The following LHFPL2 variants were observed in gnomAD, a reference collection of about 807,000 sequenced individuals.
The protein encoded by LHFPL2 is LHFPL tetraspan subfamily member 2, also known as LHFPL tetraspan subfamily member 2 protein.
LHFPL2 carries 7 observed loss-of-function variants against 17.5 expected under a neutral mutation model. The ratio of observed to expected loss-of-function variants is 0.40; its 90% CI spans 0.23 to 0.75. The LOEUF (loss-of-function observed/expected upper bound fraction) is 0.75, where lower values mean the gene tolerates loss of function less well. Among genes scored for constraint, LHFPL2 ranks in the 30% least tolerant of loss-of-function variants. The pLI, the probability that LHFPL2 is intolerant of heterozygous loss-of-function variation, is 0.37. For missense variants in LHFPL2, 241 were observed against 294.8 expected (o/e 0.82, Z 1.34); for synonymous variants, 134 against 116.2 (o/e 1.15, Z -0.99).
chr5:78,524,610 C>T (rs984734368), intron 3 of LHFPL2, among the ~76,000 whole-genome samples: 8 of 151,930 alleles, frequency 5.3e-5, no homozygotes, highest in African/African-American at 1.2e-4. Context: ...GGTGTGGTGG[C>T]GGGCGCCTGT....
chr5:78,619,154 T>C (rs1297670092), intron 2 of LHFPL2, among the ~76,000 whole-genome samples: 1 of 152,188 alleles, frequency 6.6e-6, no homozygotes, highest in Non-Finnish European at 1.5e-5. Context: ...GTCTCCCAAG[T>C]AGCTGGGACT....
At chr5:78,533,156 G>A (rs1386621646) in intron 3 of LHFPL2, among the ~76,000 whole-genome samples, 2 of 152,146 alleles carry the variant, frequency 1.3e-5, no homozygotes, top group Non-Finnish European at 2.9e-5. Context: ...TTAGGTCCAG[G>A]TCAGTGCCGT....
chr5:78,610,963 A>C (rs1168246616), intron 2 of LHFPL2, among the ~76,000 whole-genome samples: 1 of 152,186 alleles, frequency 6.6e-6, no homozygotes, highest in Non-Finnish European at 1.5e-5. Context: ...GTCCTCCTCA[A>C]GGAGCCACAG....
At chr5:78,562,335 G>A (rs1756749897) in intron 3 of LHFPL2, among the ~76,000 whole-genome samples, 2 of 152,046 alleles carry the variant, frequency 1.3e-5, no homozygotes, top group Admixed American at 1.3e-4. Context: ...CTCTGCCAAG[G>A]ACCACCTGAC....
intron 2 of LHFPL2, among the ~76,000 whole-genome samples, chr5:78,576,089 A>T (rs1431302020): frequency 6.6e-6 from 1 of 152,168 alleles, no homozygotes; most frequent in African/African-American, 2.4e-5. Context: ...AGGTCAGGAT[A>T]TCGAGACCAT....
intron 3 of LHFPL2, among the ~76,000 whole-genome samples, chr5:78,512,397 A>G (rs971900511): frequency 5.3e-5 from 8 of 149,856 alleles, no homozygotes; most frequent in African/African-American, 1.5e-4. Flanking sequence ...TTTATATCCA[A>G]CTGGTGGAGA....
At position 78,489,140 on chromosome 5, in the gene LHFPL2, G is replaced by A. The variant is rs745605571; in HGVS notation, c.444C>T (p.Ile148=). 3.1e-6 allele frequency: 5 copies of A among 1,614,046 alleles called. No individual in the cohort carries two copies. Among genetic ancestry groups the A allele is most frequent in the Non-Finnish European group, 4.2e-6 (5 of 1,180,016 alleles). ...LLQGIAGLFL[I]LGLILYPAGW... The stretch of plus-strand genomic sequence containing the variant: ...CAGCAGGGTAGAGTATCAAACCGAG[G>A]ATAAGGAATAGACCTGCAGAACAAA... The change falls in exon 5 of 5, where the codon ATC becomes ATT. Residue 148 remains isoleucine, a synonymous_variant. Coordinates refer to ENST00000380345, the MANE Select transcript of LHFPL2 (RefSeq NM_005779.3).
At chr5:78,532,649 A>C (rs1282726180) in intron 3 of LHFPL2, among the ~76,000 whole-genome samples, 3 of 152,110 alleles carry the variant, frequency 2.0e-5, no homozygotes, top group African/African-American at 7.2e-5. Flanking sequence ...CTTCACTGAG[A>C]TACTATGAAT....
At chr5:78,512,313 C>T (rs1755156166) in intron 3 of LHFPL2, among the ~76,000 whole-genome samples, 1 of 151,662 alleles carries the variant, frequency 6.6e-6, no homozygotes, top group Non-Finnish European at 1.5e-5. Flanking sequence ...TTCCCCACTA[C>T]CTAACTCAGC....
chr5:78,598,397 G>C (rs1489396544), intron 2 of LHFPL2, among the ~76,000 whole-genome samples: 1 of 152,154 alleles, frequency 6.6e-6, no homozygotes, highest in African/African-American at 2.4e-5. Context: ...ATCCAACAAA[G>C]AAACACAGCT....
chr5:78,523,475 TG>T (rs1755521949), intron 3 of LHFPL2, among the ~76,000 whole-genome samples: 1 of 151,948 alleles, frequency 6.6e-6, no homozygotes, highest in Non-Finnish European at 1.5e-5. Context: ...GAATGTACCC[TG>T]GGGATGCTAT....
At chr5:78,565,907 A>C (rs578203102) in intron 2 of LHFPL2, among the ~76,000 whole-genome samples, 1 of 152,368 alleles carries the variant, frequency 6.6e-6, no homozygotes, top group South Asian at 2.1e-4. Flanking sequence ...ATGACTAGCC[A>C]GTTAGCTTTT....
At chr5:78,635,382 C>T (rs924322145) in intron 1 of LHFPL2, among the ~76,000 whole-genome samples, 2 of 152,200 alleles carry the variant, frequency 1.3e-5, no homozygotes, top group Non-Finnish European at 2.9e-5. Flanking sequence ...TCCCACCGCC[C>T]CCTCTTCCCC....
intron 3 of LHFPL2, among the ~76,000 whole-genome samples, chr5:78,521,416 A>T (rs957596068): frequency 6.6e-6 from 1 of 152,234 alleles, no homozygotes; most frequent in Non-Finnish European, 1.5e-5. Flanking sequence ...GATGTTTTAA[A>T]ATCTAATACT....
At chr5:78,578,936 G>A (rs772680076) in intron 2 of LHFPL2, among the ~76,000 whole-genome samples, 2 of 152,200 alleles carry the variant, frequency 1.3e-5, no homozygotes, top group Admixed American at 6.5e-5. Flanking sequence ...ACCAAGTCTT[G>A]CTCCCTGCTC....
chr5:78,525,062 G>A (rs949398612), intron 3 of LHFPL2, among the ~76,000 whole-genome samples: 1 of 152,162 alleles, frequency 6.6e-6, no homozygotes, highest in African/African-American at 2.4e-5. Context: ...TAAATTGAAG[G>A]ATGGTTAGCA....
intron 2 of LHFPL2, among the ~76,000 whole-genome samples, chr5:78,599,287 C>CT (rs1252841406): frequency 6.6e-6 from 1 of 151,750 alleles, no homozygotes; most frequent in East Asian, 1.9e-4. Context: ...AGAATAAACC[C>CT]TTTTTTTGGG....
chr5:78,600,228 C>T (rs550882555), intron 2 of LHFPL2, among the ~76,000 whole-genome samples: 4 of 151,324 alleles, frequency 2.6e-5, no homozygotes, highest in East Asian at 3.9e-4. Context: ...TGTTGTCAAG[C>T]GAGCAAACTA....
chr5:78,647,515 C>G (rs1425246293), intron 1 of LHFPL2, among the ~76,000 whole-genome samples: 4 of 152,190 alleles, frequency 2.6e-5, no homozygotes, highest in African/African-American at 9.7e-5. Context: ...CTTTCCATAG[C>G]GGCCGCGTTG....
Sources: gnomAD v4.1 joint callset for allele counts (sites outside exome capture counted in the v4.1 genomes callset) on GRCh38, gnomAD v4.1.1 for gene constraint, MANE v1.5 for transcripts, NCBI Gene and HGNC (gene_info 2026-07-23, HGNC 2026-07-21) for gene names.